ATP9A: variants seen among roughly 807,000 people sequenced by gnomAD.
ATP9A encodes the protein probable phospholipid-transporting ATPase IIA.
In ATP9A, 52 loss-of-function variants were observed where a neutral mutation model predicts 144.1. The ratio of observed to expected loss-of-function variants is 0.36; its 90% CI spans 0.29 to 0.45. The LOEUF (loss-of-function observed/expected upper bound fraction) is 0.45. Ranked by LOEUF, ATP9A falls within the 20% of genes least tolerant of loss-of-function variation. ATP9A has a pLI of 1.00. For missense variants in ATP9A, 947 were observed against 1,392.7 expected (o/e 0.68, Z 5.09); for synonymous variants, 582 against 557.4 (o/e 1.04, Z -0.62).
intron 15 of ATP9A, among the ~76,000 whole-genome samples, chr20:51,634,682 C>A (rs929669466): frequency 6.6e-6 from 1 of 151,886 alleles, no homozygotes; most frequent in Non-Finnish European, 1.5e-5. Flanking sequence ...ATGGAGAAAC[C>A]CCATCTCTAC....
At chr20:51,657,244 T>C (rs1263304505) in intron 13 of ATP9A, 94 bp from the exon 14 acceptor site, 29 of 1,041,776 alleles carry the variant, frequency 2.8e-5, no homozygotes, top group Non-Finnish European at 3.7e-5. Context: ...TTCTTTTTTC[T>C]ACTGTTCCAA....
intron 4 of ATP9A, among the ~76,000 whole-genome samples, chr20:51,711,715 G>A (rs2122848441): frequency 6.6e-6 from 1 of 152,066 alleles, no homozygotes; most frequent in South Asian, 2.1e-4. Context: ...TGGCTGGGTT[G>A]TTTTGTGGCT....
intron 13 of ATP9A, among the ~76,000 whole-genome samples, chr20:51,657,485 C>T (rs1202263371): frequency 3.3e-5 from 5 of 152,200 alleles, no homozygotes; most frequent in Non-Finnish European, 4.4e-5. Context: ...AAAGGGATCC[C>T]GGTAGTTCAG....
intron 9 of ATP9A, among the ~76,000 whole-genome samples, chr20:51,688,690 A>G (rs2077534240): frequency 6.6e-6 from 1 of 152,164 alleles, no homozygotes; most frequent in South Asian, 2.1e-4. Flanking sequence ...GCTCAAGCCC[A>G]TGCCCTTTCC....
At chr20:51,744,236 G>T (rs559737712) in intron 1 of ATP9A, among the ~76,000 whole-genome samples, 67 of 152,036 alleles carry the variant, frequency 4.4e-4, no homozygotes, top group Non-Finnish European at 8.8e-4. Context: ...CCCAATCTCG[G>T]TTCACTGTAA....
chr20:51,754,901 G>C (rs113450988), intron 1 of ATP9A, among the ~76,000 whole-genome samples: 29,759 of 151,520 alleles, frequency 0.2, 3,431 homozygotes, highest in East Asian at 0.35. Context: ...CTTGAGATCA[G>C]GAGTTTGAGA....
intron 19 of ATP9A, 134 bp downstream of exon 19, chr20:51,621,940 C>T (rs775025702): frequency 9.6e-6 from 7 of 729,782 alleles, no homozygotes; most frequent in Non-Finnish European, 1.4e-5. Flanking sequence ...TCCAAAGCAA[C>T]CGTGGTTGAT....
chr20:51,765,662 A>G (rs956308291), intron 1 of ATP9A, among the ~76,000 whole-genome samples: 1 of 150,624 alleles, frequency 6.6e-6, no homozygotes, highest in African/African-American at 2.4e-5. Flanking sequence ...AAACAGAATT[A>G]GATTAGTTCC....
chr20:51,606,680 G>A (rs1253259666), intron 26 of ATP9A, among the ~76,000 whole-genome samples: 1 of 152,176 alleles, frequency 6.6e-6, no homozygotes, highest in Non-Finnish European at 1.5e-5. Context: ...TGCTGGACCT[G>A]CAGGGACTCG....
chr20:51,709,558 C>T (rs997882740), intron 4 of ATP9A, among the ~76,000 whole-genome samples: 9 of 152,052 alleles, frequency 5.9e-5, no homozygotes, highest in African/African-American at 2.2e-4. Context: ...AACCCCATCT[C>T]TAGAAATAAA....
chr20:51,745,265 TAAAAAAAAA>T (rs56011562), intron 1 of ATP9A, among the ~76,000 whole-genome samples: 1 of 106,526 alleles, frequency 9.4e-6, no homozygotes, highest in Non-Finnish European at 1.9e-5. Context: ...AGACTCCGTC[TAAAAAAAAA>T]AAAAAAAAAA....
intron 14 of ATP9A, among the ~76,000 whole-genome samples, chr20:51,644,860 GA>G (rs1441267321): frequency 1.3e-5 from 2 of 152,056 alleles, no homozygotes; most frequent in Non-Finnish European, 2.9e-5. Flanking sequence ...GAAAATATGT[GA>G]AAAGTCTGTG....
chr20:51,754,095 CCCTGGAG>C (rs140799842), intron 1 of ATP9A, among the ~76,000 whole-genome samples: 28,535 of 151,960 alleles, frequency 0.19, 2,730 homozygotes, highest in East Asian at 0.36. Context: ...CCTGGCCAGG[CCCTGGAG>C]CCTGGAGCCC....
At chr20:51,700,420 A>G (rs955414796) in intron 4 of ATP9A, among the ~76,000 whole-genome samples, 3 of 152,110 alleles carry the variant, frequency 2.0e-5, no homozygotes, top group Admixed American at 6.5e-5. Context: ...TACTCCGGAG[A>G]CTGAGGTGGG....
chr20:51,684,489 G>A (rs1281478973), intron 9 of ATP9A, among the ~76,000 whole-genome samples: 1 of 151,388 alleles, frequency 6.6e-6, no homozygotes, highest in Non-Finnish European at 1.5e-5. Flanking sequence ...GAGGTCAGGC[G>A]ATTGAGACCA....
intron 15 of ATP9A, among the ~76,000 whole-genome samples, chr20:51,630,441 G>T (rs1442506572): frequency 1.3e-5 from 2 of 152,082 alleles, no homozygotes; most frequent in Admixed American, 6.6e-5. Flanking sequence ...GGTGGCTCAC[G>T]CCTGTAGTCC....
chr20:51,768,172 C>T, intron 1 of ATP9A, 130 bp downstream of exon 1: 5 of 451,396 alleles, frequency 1.1e-5, no homozygotes, highest in Non-Finnish European at 1.6e-5. Flanking sequence ...TCCCCGCCTC[C>T]CCAGCCCTGC....
At chr20:51,741,312 G>A (rs997548642) in intron 1 of ATP9A, among the ~76,000 whole-genome samples, 1 of 152,198 alleles carries the variant, frequency 6.6e-6, no homozygotes, top group African/African-American at 2.4e-5. Context: ...CAGGCGCGGT[G>A]GCTCACGCCT....
intron 1 of ATP9A, among the ~76,000 whole-genome samples, chr20:51,744,319 C>T (rs1210819966): frequency 6.6e-6 from 1 of 152,018 alleles, no homozygotes; most frequent in Non-Finnish European, 1.5e-5. Flanking sequence ...GCCTGCACCA[C>T]CACAGCCGGC....
Sources: allele counts gnomAD v4.1 joint callset (sites outside exome capture counted in the v4.1 genomes callset), GRCh38; gene constraint gnomAD v4.1.1; transcripts MANE v1.5; gene names NCBI Gene and HGNC (gene_info 2026-07-23, HGNC 2026-07-21).